The following PTPRD variants were observed in gnomAD, a reference collection of about 807,000 sequenced individuals.
PTPRD encodes the protein protein tyrosine phosphatase receptor type D.
A neutral mutation model predicts 214.5 loss-of-function variants in PTPRD; 34 were observed. The ratio of observed to expected loss-of-function variants is 0.16; its 90% CI spans 0.12 to 0.21. PTPRD has a LOEUF of 0.21. Ranked by LOEUF, PTPRD falls within the 10% of genes least tolerant of loss-of-function variation. The pLI, the probability that PTPRD is intolerant of heterozygous loss-of-function variation, is 1.00. For missense variants in PTPRD, 2,545 were observed against 2,398.7 expected (o/e 1.06, Z -1.27); for synonymous variants, 1,128 against 845.7 (o/e 1.33, Z -5.79).
intron 11 of PTPRD, among the ~76,000 whole-genome samples, chr9:8,850,381 G>A (rs1181842714): frequency 1.3e-5 from 2 of 152,124 alleles, no homozygotes; most frequent in Admixed American, 1.3e-4. Context: ...AATGGAGATG[G>A]AGACATAGAT....
intron 5 of PTPRD, among the ~76,000 whole-genome samples, chr9:9,928,832 T>A (rs2085310275): frequency 6.6e-6 from 1 of 151,862 alleles, no homozygotes; most frequent in Non-Finnish European, 1.5e-5. Context: ...AGCCAGTTAT[T>A]TTCTTTAAAC....
intron 10 of PTPRD, among the ~76,000 whole-genome samples, chr9:9,105,820 G>C (rs1323009270): frequency 6.6e-6 from 1 of 152,146 alleles, no homozygotes; most frequent in African/African-American, 2.4e-5. Flanking sequence ...TTTGGGGTCT[G>C]AACTTTTATA....
chr9:10,194,453 T>C (rs1473209542), intron 3 of PTPRD, among the ~76,000 whole-genome samples: 3 of 149,146 alleles, frequency 2.0e-5, no homozygotes, highest in Non-Finnish European at 4.4e-5. Flanking sequence ...GATTATATAA[T>C]TATAAAGTGA....
intron 39 of PTPRD, among the ~76,000 whole-genome samples, chr9:8,349,794 G>A (rs1007566889): frequency 2.6e-5 from 4 of 152,160 alleles, no homozygotes; most frequent in Admixed American, 2.6e-4. Context: ...CTAGCATTAT[G>A]TTGGTCTCTG....
At chr9:9,869,487 T>C (rs961628014) in intron 5 of PTPRD, among the ~76,000 whole-genome samples, 2 of 152,178 alleles carry the variant, frequency 1.3e-5, no homozygotes, top group Non-Finnish European at 2.9e-5. Context: ...GCTTCTCTTT[T>C]ATTGTAGAAC....
At chr9:10,172,918 A>C (rs1382891885) in intron 3 of PTPRD, among the ~76,000 whole-genome samples, 1 of 151,230 alleles carries the variant, frequency 6.6e-6, no homozygotes, top group Non-Finnish European at 1.5e-5. Context: ...GCATACTTAT[A>C]AATAAAAATG....
intron 11 of PTPRD, among the ~76,000 whole-genome samples, chr9:8,894,901 G>A (rs1192891272): frequency 3.3e-5 from 5 of 152,164 alleles, no homozygotes; most frequent in Non-Finnish European, 7.4e-5. Flanking sequence ...AACAGAGAGA[G>A]AGACAACACA....
intron 10 of PTPRD, among the ~76,000 whole-genome samples, chr9:9,074,783 G>C (rs2099748653): frequency 6.6e-6 from 1 of 151,066 alleles, no homozygotes; most frequent in East Asian, 1.9e-4. Context: ...GAGATGTACG[G>C]TTTGCAAATA....
chr9:10,446,892 C>A (rs2098803952), intron 2 of PTPRD, among the ~76,000 whole-genome samples: 1 of 152,144 alleles, frequency 6.6e-6, no homozygotes, highest in Non-Finnish European at 1.5e-5. Flanking sequence ...ACTGCCCATG[C>A]TTATATACCT....
intron 26 of PTPRD, among the ~76,000 whole-genome samples, 157 bp from the exon 27 acceptor site, chr9:8,493,136 T>A (rs946057064): frequency 1.3e-4 from 20 of 152,210 alleles, no homozygotes; most frequent in African/African-American, 3.6e-4. Context: ...GCTATGGAGA[T>A]CTGTTTTCAT....
At chr9:9,691,020 T>C (rs1292996098) in intron 7 of PTPRD, among the ~76,000 whole-genome samples, 1 of 151,904 alleles carries the variant, frequency 6.6e-6, no homozygotes. Context: ...TTAATTTTTG[T>C]GGGTACATAA....
intron 10 of PTPRD, among the ~76,000 whole-genome samples, chr9:9,168,390 A>G (rs1353390737): frequency 6.6e-6 from 1 of 151,924 alleles, no homozygotes; most frequent in Non-Finnish European, 1.5e-5. Context: ...TGCCTTTTCC[A>G]TATATTTTTA....
chr9:9,855,374 T>G (rs933798370), intron 5 of PTPRD, among the ~76,000 whole-genome samples: 2 of 152,058 alleles, frequency 1.3e-5, no homozygotes, highest in African/African-American at 4.8e-5. Context: ...GGGGAGGAGC[T>G]CCTTCTAAAA....
intron 8 of PTPRD, among the ~76,000 whole-genome samples, chr9:9,404,793 T>A (rs902868385): frequency 2.0e-5 from 3 of 152,024 alleles, no homozygotes; most frequent in Admixed American, 2.0e-4. Flanking sequence ...ATTAGAGAGT[T>A]TAGGCCAGAG....
chr9:9,458,773 T>C (rs2093345787), intron 8 of PTPRD, among the ~76,000 whole-genome samples: 1 of 152,012 alleles, frequency 6.6e-6, no homozygotes. Flanking sequence ...AAGCCCCATC[T>C]GTACAAATGT....
chr9:9,086,848 A>T (rs1177058233), intron 10 of PTPRD, among the ~76,000 whole-genome samples: 6 of 152,194 alleles, frequency 3.9e-5, no homozygotes, highest in Admixed American at 3.9e-4. Flanking sequence ...GAAACAAAAA[A>T]GTTGACCATA....
At chr9:9,286,822 C>G (rs1206202595) in intron 9 of PTPRD, among the ~76,000 whole-genome samples, 1 of 134,526 alleles carries the variant, frequency 7.4e-6, no homozygotes, top group South Asian at 2.4e-4. Flanking sequence ...AAATGATGCT[C>G]AAAAAATGAA....
chr9:9,518,723 T>C (rs886593541), intron 8 of PTPRD, among the ~76,000 whole-genome samples: 5 of 152,016 alleles, frequency 3.3e-5, no homozygotes, highest in African/African-American at 1.2e-4. Context: ...ATGTAATGCA[T>C]GCCAGTTTAA....
intron 9 of PTPRD, among the ~76,000 whole-genome samples, chr9:9,374,264 G>A (rs752269234): frequency 4.6e-5 from 7 of 151,816 alleles, no homozygotes; most frequent in Non-Finnish European, 8.8e-5. Flanking sequence ...TAAATAAACT[G>A]TTACTTTTTA....
Sources: allele counts gnomAD v4.1 joint callset (sites outside exome capture counted in the v4.1 genomes callset), GRCh38; gene constraint gnomAD v4.1.1; transcripts MANE v1.5; gene names NCBI Gene and HGNC (gene_info 2026-07-23, HGNC 2026-07-21).